TMPRSS11D: variants seen among roughly 807,000 people sequenced by gnomAD.
TMPRSS11D encodes the protein transmembrane protease serine 11D.
In TMPRSS11D, 32 loss-of-function variants were observed where a neutral mutation model predicts 44.4. The observed-to-expected ratio is 0.72, with a 90% CI of 0.54 to 0.97. The LOEUF is 0.97. Among genes scored for constraint, TMPRSS11D ranks in the 50% least tolerant of loss-of-function variants. The pLI is 0.00. For synonymous variants in TMPRSS11D, 179 were observed against 177.9 expected (o/e 1.01, Z -0.05); for missense variants, 446 against 502.6 (o/e 0.89, Z 1.08).
In TMPRSS11D at chr4:67,827,539, A is replaced by G. The variant is rs1374130604; in HGVS notation, c.693-19T>C. On this transcript the variant is annotated intron_variant, in intron 7 of 9. Transcript: ENST00000283916. ...AGAGTTGCTAAAACATTATGAAAACATGCTATATGAGTAGGGAATTTGTGA... is the reference window on the plus strand; with the variant it reads ...AGAGTTGCTAAAACATTATGAAAACGTGCTATATGAGTAGGGAATTTGTGA... 3 of 1,565,798 alleles carry G rather than the reference A, an allele frequency of 1.9e-6. No individual in the cohort carries two copies. Among genetic ancestry groups the G allele is most frequent in the Non-Finnish European group, 2.6e-6 (3 of 1,156,904 alleles).
intron 6 of TMPRSS11D, 110 bp downstream of exon 6, chr4:67,834,973 A>G (rs148741559): frequency 4.2e-6 from 4 of 961,684 alleles, no homozygotes; most frequent in African/African-American, 1.6e-5. Flanking sequence ...AACTAAGAAC[A>G]AAGACATCAA....
At chr4:67,874,553 T>C (rs1378032530) in intron 1 of TMPRSS11D, among the ~76,000 whole-genome samples, 4 of 152,110 alleles carry the variant, frequency 2.6e-5, no homozygotes, top group African/African-American at 9.7e-5. Flanking sequence ...ACCATAACAT[T>C]GGTTACAGTG....
At chr4:67,877,380 A>C (rs1015500274) in intron 1 of TMPRSS11D, among the ~76,000 whole-genome samples, 6 of 152,182 alleles carry the variant, frequency 3.9e-5, no homozygotes, top group Admixed American at 3.9e-4. Flanking sequence ...ACCCACCCAG[A>C]CTATTTCAGT....
At chr4:67,860,606 G>C (rs536217680) in intron 1 of TMPRSS11D, among the ~76,000 whole-genome samples, 68 of 152,144 alleles carry the variant, frequency 4.5e-4, no homozygotes, top group African/African-American at 1.5e-3. Flanking sequence ...TAGGCAAACT[G>C]TTTAACACTT....
intron 1 of TMPRSS11D, among the ~76,000 whole-genome samples, chr4:67,863,801 A>G (rs530872563): frequency 4.5e-4 from 69 of 152,250 alleles, no homozygotes; most frequent in African/African-American, 1.5e-3. Flanking sequence ...AAAATGGTGT[A>G]TATACCAATG....
chr4:67,838,109 A>G (rs1560539599), intron 5 of TMPRSS11D, 63 bp downstream of exon 5: 1 of 1,334,972 alleles, frequency 7.5e-7, no homozygotes, highest in Non-Finnish European at 9.9e-7. Flanking sequence ...TAAAATATGA[A>G]TTTGAATTGG....
chr4:67,880,485 TATTC>T (rs1454771011), intron 1 of TMPRSS11D, among the ~76,000 whole-genome samples: 2 of 152,084 alleles, frequency 1.3e-5, no homozygotes, highest in Admixed American at 1.3e-4. Context: ...TGCTGACAAA[TATTC>T]AGTAGAGAAG....
chr4:67,852,436 G>C (rs1718531381), intron 3 of TMPRSS11D, among the ~76,000 whole-genome samples: 1 of 152,126 alleles, frequency 6.6e-6, no homozygotes. Flanking sequence ...GTGAGCCCAA[G>C]AATTTGCATT....
intron 1 of TMPRSS11D, among the ~76,000 whole-genome samples, chr4:67,882,502 G>C (rs187583983): frequency 3.9e-5 from 6 of 152,230 alleles, no homozygotes; most frequent in Non-Finnish European, 5.9e-5. Flanking sequence ...AAATTTGATT[G>C]ATTCAAAGCC....
At chr4:67,849,420 C>G (rs1429037374) in intron 3 of TMPRSS11D, among the ~76,000 whole-genome samples, 2 of 152,052 alleles carry the variant, frequency 1.3e-5, no homozygotes, top group African/African-American at 4.8e-5. Flanking sequence ...ATGGGATCAT[C>G]TAGACAGAAT....
chr4:67,843,178 G>A (rs1357009229), intron 3 of TMPRSS11D, among the ~76,000 whole-genome samples: 1 of 137,676 alleles, frequency 7.3e-6, no homozygotes, highest in Non-Finnish European at 1.6e-5. Flanking sequence ...AGCATTAGTT[G>A]GTAATTTCTT....
At chr4:67,867,847 G>C (rs1718963629) in intron 1 of TMPRSS11D, among the ~76,000 whole-genome samples, 1 of 152,082 alleles carries the variant, frequency 6.6e-6, no homozygotes, top group Non-Finnish European at 1.5e-5. Context: ...AGAGAAAAGG[G>C]AACACTTACA....
At chr4:67,857,174 T>C (rs1206912706) in intron 2 of TMPRSS11D, among the ~76,000 whole-genome samples, 1 of 151,672 alleles carries the variant, frequency 6.6e-6, no homozygotes, top group Non-Finnish European at 1.5e-5. Flanking sequence ...CAAAGAGATA[T>C]TTGTACTTGG....
chr4:67,825,469 T>C (rs1717768645), intron 9 of TMPRSS11D, among the ~76,000 whole-genome samples: 1 of 152,102 alleles, frequency 6.6e-6, no homozygotes, highest in Non-Finnish European at 1.5e-5. Flanking sequence ...TAATAGAGGT[T>C]AAGGAATTCA....
At chr4:67,825,662 A>T in intron 9 of TMPRSS11D, 70 bp downstream of exon 9, 1 of 1,534,856 alleles carries the variant, frequency 6.5e-7, no homozygotes, top group Non-Finnish European at 8.8e-7. Context: ...TGTCTATCAC[A>T]TTATCACATA....
chr4:67,830,742 T>C (rs1432326543), intron 7 of TMPRSS11D, among the ~76,000 whole-genome samples: 1 of 152,070 alleles, frequency 6.6e-6, no homozygotes, highest in Non-Finnish European at 1.5e-5. Flanking sequence ...TTTCTTCCTT[T>C]CCTTCTTTCC....
At chr4:67,867,006 A>AG (rs1229524804) in intron 1 of TMPRSS11D, among the ~76,000 whole-genome samples, 1 of 152,064 alleles carries the variant, frequency 6.6e-6, no homozygotes, top group African/African-American at 2.4e-5. Flanking sequence ...AAAACCAAAA[A>AG]AAGAGCCAAA....
chr4:67,832,336 C>T (rs750127080), intron 7 of TMPRSS11D, among the ~76,000 whole-genome samples: 3 of 152,122 alleles, frequency 2.0e-5, no homozygotes, highest in African/African-American at 7.2e-5. Flanking sequence ...AAGTTCCCAA[C>T]AACTGTTGTG....
In TMPRSS11D at chr4:67,875,088, A is replaced by G. The variant is rs564985917; in HGVS notation, c.8+8838T>C. On this transcript the variant is annotated intron_variant, in intron 1 of 9. Transcript: ENST00000283916. ...CCTAGATTGTCTTCAGAAACACAGGAAAGAATCAAGCTTCTCAGTTTTATT... is the reference window on the plus strand; with the variant it reads ...CCTAGATTGTCTTCAGAAACACAGGGAAGAATCAAGCTTCTCAGTTTTATT... 2.0e-5 allele frequency among the ~76,000 whole-genome samples: 3 copies of G among 152,336 alleles called. No individual in the cohort carries two copies. In the East Asian group the frequency reaches 5.8e-4, roughly 29 times the overall value.
Sources: gnomAD v4.1 joint callset for allele counts (sites outside exome capture counted in the v4.1 genomes callset) on GRCh38, gnomAD v4.1.1 for gene constraint, MANE v1.5 for transcripts, NCBI Gene and HGNC (gene_info 2026-07-23, HGNC 2026-07-21) for gene names.